BLTP1: variants seen among roughly 807,000 people sequenced by gnomAD.
The protein encoded by BLTP1 is bridge-like lipid transfer protein family member 1.
the BLTP1 span, among the ~76,000 whole-genome samples, chr4:122,319,666 A>G: frequency 1.3e-5 from 2 of 150,162 alleles, no homozygotes; most frequent in Middle Eastern, 3.2e-3. Context: ...TCAGCCTCCC[A>G]AGTAGCTGGG....
At chr4:122,191,715 T>C in the BLTP1 span, among the ~76,000 whole-genome samples, 2 of 152,106 alleles carry the variant, frequency 1.3e-5, no homozygotes, top group Admixed American at 6.6e-5. Flanking sequence ...TTAAAAATTA[T>C]CTGAAAAAGC....
At chr4:122,317,393 A>C in the BLTP1 span, among the ~76,000 whole-genome samples, 1 of 151,834 alleles carries the variant, frequency 6.6e-6, no homozygotes, top group East Asian at 1.9e-4. Context: ...ATTTCTGAGC[A>C]CTTTATGACT....
At chr4:122,283,895 T>C in the BLTP1 span, among the ~76,000 whole-genome samples, 18 of 152,152 alleles carry the variant, frequency 1.2e-4, no homozygotes, top group African/African-American at 3.4e-4. Context: ...ATAGATTTAT[T>C]TGGGGAGAAA....
the BLTP1 span, among the ~76,000 whole-genome samples, chr4:122,165,579 T>C: frequency 1.6e-5 from 2 of 128,192 alleles, no homozygotes; most frequent in Non-Finnish European, 3.5e-5. Flanking sequence ...ATCCTTTGGG[T>C]ATATACCCAG....
At chr4:122,229,856 A>T in the BLTP1 span, 2 of 1,487,510 alleles carry the variant, frequency 1.3e-6, no homozygotes, top group African/African-American at 2.8e-5. Context: ...ATGATCACCT[A>T]TTCAGTAGTT....
At chr4:122,330,264 ATGT>A in the BLTP1 span, among the ~76,000 whole-genome samples, 1 of 151,798 alleles carries the variant, frequency 6.6e-6, no homozygotes, top group Admixed American at 6.6e-5. Context: ...TCTCTGGATC[ATGT>A]TGTAGTTCTA....
At chr4:122,333,762 A>T in the BLTP1 span, 1 of 1,611,508 alleles carries the variant, frequency 6.2e-7, no homozygotes, top group Non-Finnish European at 8.5e-7. Flanking sequence ...GACAAAGCCT[A>T]GTGACTTAGA....
At chr4:122,200,751 A>G in the BLTP1 span, 2 of 933,992 alleles carry the variant, frequency 2.1e-6, no homozygotes, top group Non-Finnish European at 2.6e-6. Flanking sequence ...TCTGGAGTGC[A>G]GTATCAACAC....
chr4:122,194,748 G>A, the BLTP1 span: 2 of 786,982 alleles, frequency 2.5e-6, no homozygotes, highest in Admixed American at 6.3e-5. Context: ...ATAAATTTTA[G>A]GGTATATTTA....
chr4:122,190,433 C>T, the BLTP1 span: 24 of 976,434 alleles, frequency 2.5e-5, no homozygotes, highest in South Asian at 1.1e-3. Flanking sequence ...AGCTACAATT[C>T]TATTTCTTCT....
the BLTP1 span, chr4:122,246,233 A>G: frequency 5.6e-6 from 9 of 1,607,810 alleles, no homozygotes; most frequent in East Asian, 4.5e-5. Flanking sequence ...AGCACAGACA[A>G]ATCTTACAAT....
the BLTP1 span, chr4:122,243,034 G>C: frequency 3.7e-6 from 6 of 1,612,376 alleles, no homozygotes; most frequent in Non-Finnish European, 4.2e-6. Context: ...TTCTTTGCTA[G>C]ACAGAGGCAT....
At chr4:122,246,749 A>G in the BLTP1 span, 2 of 1,613,070 alleles carry the variant, frequency 1.2e-6, no homozygotes, top group Non-Finnish European at 1.7e-6. Context: ...TAGGAGTGTG[A>G]CTCATGTTTC....
At chr4:122,359,599 A>C in the BLTP1 span, 1 of 1,612,186 alleles carries the variant, frequency 6.2e-7, no homozygotes, top group African/African-American at 1.3e-5. Flanking sequence ...CCAGGACAAA[A>C]AAGTCCAATT....
At chr4:122,346,549 C>A in the BLTP1 span, 1 of 1,519,264 alleles carries the variant, frequency 6.6e-7, no homozygotes, top group South Asian at 1.3e-5. Flanking sequence ...TGTAATAACC[C>A]TGTCTTATAC....
the BLTP1 span, among the ~76,000 whole-genome samples, chr4:122,259,640 T>A: frequency 6.6e-6 from 1 of 152,092 alleles, no homozygotes; most frequent in Non-Finnish European, 1.5e-5. Flanking sequence ...GGCGGGTGGA[T>A]CACAAGGTCA....
At chr4:122,312,876 T>G in the BLTP1 span, 1 of 854,480 alleles carries the variant, frequency 1.2e-6, no homozygotes, top group Non-Finnish European at 1.4e-6. Flanking sequence ...TAAAGATATA[T>G]GTACTCTGGA....
At chr4:122,300,918 C>CAAA in the BLTP1 span, 3 of 889,758 alleles carry the variant, frequency 3.4e-6, no homozygotes, top group Non-Finnish European at 3.9e-6. Flanking sequence ...ATTGCCCAGG[C>CAAA]AAAAAAAAAA....
the BLTP1 span, chr4:122,152,367 C>T: frequency 2.0e-6 from 2 of 985,720 alleles, no homozygotes; most frequent in African/African-American, 1.7e-5. Flanking sequence ...CCCCTCCCCT[C>T]CTCCTCCGCC....
Sources: allele counts gnomAD v4.1 joint callset (sites outside exome capture counted in the v4.1 genomes callset), GRCh38; gene constraint gnomAD v4.1.1; transcripts MANE v1.5; gene names NCBI Gene and HGNC (gene_info 2026-07-23, HGNC 2026-07-21).